FZD3: variants seen among roughly 807,000 people sequenced by gnomAD.
FZD3 encodes frizzled-3.
Under a neutral mutation model 60.7 loss-of-function variants are expected in FZD3, and 30 were observed. That is an observed-to-expected ratio of 0.49 (90% CI 0.37 to 0.67). The LOEUF is 0.67. FZD3 is among the 30% of genes least tolerant of loss of function. The pLI, the probability that FZD3 is intolerant of heterozygous loss-of-function variation, is 0.00. For missense variants in FZD3, 605 were observed against 838.7 expected (o/e 0.72, Z 3.44); for synonymous variants, 246 against 275.2 (o/e 0.89, Z 1.05).
Position 28,527,295 on chromosome 8 carries a change from T to C in FZD3, c.535T>C (p.Phe179Leu). The C allele has an allele frequency of 6.2e-7, 1 of 1,614,100 alleles. No homozygotes were observed. The highest frequency in any genetic ancestry group is 8.5e-7 in the Non-Finnish European group (1 of 1,179,968). The change falls in exon 5 of 8, where the codon TTT becomes CTT. Residue 179 changes from phenylalanine to leucine, a missense_variant. Phe to Leu is a conservative substitution (Grantham distance 22). Transcript: ENST00000240093. The surrounding 1 kb of genome is among the most constrained non-coding windows in gnomAD (Gnocchi z 5.0). ...AATTGATCCTGATCTGGGTTATTCT[T>C]TTCTGCATGTGCGTGATTGTTCACC... The part of the protein sequence containing the change: ...LKIDPDLGYS[F>L]LHVRDCSPPC...
At chr8:28,518,594 TC>T (rs886907746) in intron 3 of FZD3, among the ~76,000 whole-genome samples, 43 of 152,242 alleles carry the variant, frequency 2.8e-4, no homozygotes, top group African/African-American at 8.7e-4. Flanking sequence ...CTTCTTAGCT[TC>T]CTTCCCTGTG....
intron 5 of FZD3, among the ~76,000 whole-genome samples, chr8:28,543,219 T>C (rs1481319293): frequency 1.3e-5 from 2 of 152,186 alleles, no homozygotes; most frequent in African/African-American, 4.8e-5. Flanking sequence ...GTTCTTTGCC[T>C]TCATCCTCTT....
In FZD3 at chr8:28,535,074, T is replaced by C. The variant is rs942833885; in HGVS notation, c.1404+6910T>C. 1.2e-4 allele frequency among the ~76,000 whole-genome samples: 19 copies of C among 152,162 alleles called. 1 individual carries two copies. The highest frequency in any genetic ancestry group is 4.3e-4 in the African/African-American group (18 of 41,444). On this transcript the variant is annotated intron_variant, in intron 5 of 7. Transcript: ENST00000240093. ...AGAAACTTTCAAATATCTGAAAAAATTAGTTCCTGAATTTTTTATCATGTT... is the reference window on the plus strand; with the variant it reads ...AGAAACTTTCAAATATCTGAAAAAACTAGTTCCTGAATTTTTTATCATGTT...
rs763304022 is a variant in FZD3, at chr8:28,528,186, A to T, written c.1404+22A>T. ...TCAGGTAAGGGAAACCTTGTTACAA[A>T]TTTCAGAATATATGATAATGAAACA... On this transcript the variant is annotated intron_variant, in intron 5 of 7. Transcript: ENST00000240093. 3.9e-6 allele frequency: 6 copies of T among 1,547,962 alleles called. No homozygotes were observed. In the African/African-American group the frequency reaches 8.3e-5, roughly 21 times the overall value.
chr8:28,528,404 G>A (rs901440728), intron 5 of FZD3, among the ~76,000 whole-genome samples: 1 of 151,300 alleles, frequency 6.6e-6, no homozygotes, highest in Non-Finnish European at 1.5e-5. Flanking sequence ...AGCAGTGTAC[G>A]TCTGTTGGTG....
chr8:28,514,308 T>G (rs1804366262), intron 3 of FZD3, among the ~76,000 whole-genome samples: 1 of 103,754 alleles, frequency 9.6e-6, no homozygotes, highest in Admixed American at 9.9e-5. Context: ...GGTCAAAAAT[T>G]GTTAAGGATA....
chr8:28,551,644 G>A lies in FZD3; in HGVS notation c.1446G>A (p.Met482Ile), dbSNP rs1421987306. 3 of 1,610,696 alleles carry A rather than the reference G, an allele frequency of 1.9e-6. No homozygotes were observed. Among genetic ancestry groups the A allele is most frequent in the Non-Finnish European group, 1.7e-6 (2 of 1,177,274 alleles). The change falls in exon 6 of 8, where the codon ATG (methionine) becomes ATA (isoleucine). Residue 482 changes from methionine (M) to isoleucine (I), a missense_variant. Met to Ile is a conservative substitution (Grantham distance 10, BLOSUM62 1). Coordinates refer to ENST00000240093, the MANE Select transcript of FZD3 (RefSeq NM_017412.4). ...MSRPDLILFL[M>I]KYLMALIVGI... Reference sequence around the variant, plus strand: ...GTCCAGACTTGATTCTCTTTCTGATGAAATACCTGATGGCTCTCATAGTTG... The same window carrying A: ...GTCCAGACTTGATTCTCTTTCTGATAAAATACCTGATGGCTCTCATAGTTG...
In FZD3 at chr8:28,572,978, T is replaced by C. The variant is rs934853033; in HGVS notation, c.*9967T>C. On this transcript the variant is annotated 3_prime_UTR_variant, in exon 8 of 8. Transcript: ENST00000240093. ...GGGTAAAAGATTAGCCAACAAAAGCTAATCTAGTACACCCCATAGAGGTAC... is the reference window on the plus strand; with the variant it reads ...GGGTAAAAGATTAGCCAACAAAAGCCAATCTAGTACACCCCATAGAGGTAC... The C allele has an allele frequency of 6.6e-6, 1 of 152,144 alleles. No individual in the cohort carries two copies. The highest frequency in any genetic ancestry group is 1.5e-5 in the Non-Finnish European group (1 of 68,004). The allele number at this position is 152,144 out of a possible 1,614,324, so 9.4% of individuals were successfully genotyped here. A position where few individuals can be genotyped will look rare whatever the true frequency, so the allele number is the denominator to read the frequency against.
At position 28,527,026 on chromosome 8, in the gene FZD3, A is replaced by G; in HGVS notation, c.387-121A>G. The G allele has an allele frequency of 1.2e-6, 1 of 839,156 alleles. No homozygotes were observed. Among genetic ancestry groups the G allele is most frequent in the Non-Finnish European group, 1.9e-6 (1 of 528,918 alleles). 52.0% of individuals were successfully genotyped at this position (839,156 alleles called of 1,614,324 possible). ...ATCACCATTTACTTTATTTCTACAT[A>G]TTACATTTGCTCTCCAGGAATAAAT... On this transcript the variant is annotated intron_variant, in intron 4 of 7. Coordinates refer to ENST00000240093, the MANE Select transcript of FZD3 (RefSeq NM_017412.4). This position sits in a 1 kb window ranked among gnomAD's most constrained non-coding sequence, Gnocchi z 5.0.
At chr8:28,514,639 A>G (rs1269279069) in intron 3 of FZD3, among the ~76,000 whole-genome samples, 1 of 152,186 alleles carries the variant, frequency 6.6e-6, no homozygotes, top group East Asian at 1.9e-4. Context: ...ATCATGCCGT[A>G]TCTACTTCTT....
intron 5 of FZD3, among the ~76,000 whole-genome samples, chr8:28,531,958 T>C (rs983320786): frequency 9.2e-5 from 14 of 152,230 alleles, no homozygotes; most frequent in Admixed American, 1.3e-4. Flanking sequence ...GTATTTTTTC[T>C]AGCAGTTTCT....
intron 3 of FZD3, among the ~76,000 whole-genome samples, chr8:28,507,100 T>C (rs1430560651): frequency 6.6e-6 from 1 of 152,204 alleles, no homozygotes; most frequent in East Asian, 1.9e-4. Context: ...TTTATTCCTT[T>C]ATCAGTGTCA....
intron 5 of FZD3, among the ~76,000 whole-genome samples, chr8:28,531,102 C>A (rs1804862836): frequency 1.3e-5 from 2 of 152,022 alleles, no homozygotes; most frequent in African/African-American, 2.4e-5. Flanking sequence ...ACAGTTGATA[C>A]CTCCTCTGTT....
chr8:28,498,431 A>G (rs2130256664), intron 1 of FZD3, among the ~76,000 whole-genome samples: 1 of 152,300 alleles, frequency 6.6e-6, no homozygotes, highest in South Asian at 2.1e-4. Flanking sequence ...TATGTCCTGC[A>G]AGTCTGGAAC....
chr8:28,516,347 G>A (rs146047444), intron 3 of FZD3, among the ~76,000 whole-genome samples: 3 of 152,104 alleles, frequency 2.0e-5, no homozygotes, highest in African/African-American at 7.2e-5. Context: ...ACTCCAATTG[G>A]TTCTTTTTCA....
At position 28,527,940 on chromosome 8, in the gene FZD3, A is replaced by G; in HGVS notation, c.1180A>G (p.Ile394Val). 5.0e-6 allele frequency: 8 copies of G among 1,614,012 alleles called. No individual in the cohort carries two copies. Among genetic ancestry groups the G allele is most frequent in the Non-Finnish European group, 6.8e-6 (8 of 1,179,884 alleles). ...TGGGGTTTCTCTCCTCTTAGCTGGC[A>G]TTATATCCCTAAACAGAGTTCGAAT... ...VVGVSLLLAG[I>V]ISLNRVRIEI... Residue 394 changes from isoleucine (I) to valine (V), a missense_variant, in exon 5 of 8, where the codon ATT becomes GTT. Physicochemically the swap from Ile to Val is conservative, Grantham distance 29. Transcript: ENST00000240093. This position sits in a 1 kb window ranked among gnomAD's most constrained non-coding sequence, Gnocchi z 5.0.
At chr8:28,532,871 G>T (rs1804915033) in intron 5 of FZD3, among the ~76,000 whole-genome samples, 1 of 152,110 alleles carries the variant, frequency 6.6e-6, no homozygotes, top group African/African-American at 2.4e-5. Flanking sequence ...TATATTTCAT[G>T]TAAGAGCTGC....
At chr8:28,506,601 C>G (rs1334271179) in intron 3 of FZD3, among the ~76,000 whole-genome samples, 1 of 152,042 alleles carries the variant, frequency 6.6e-6, no homozygotes, top group African/African-American at 2.4e-5. Context: ...ATAGGATAAT[C>G]AGAGGAAAAA....
intron 3 of FZD3, among the ~76,000 whole-genome samples, chr8:28,514,962 C>A (rs1341617280): frequency 6.6e-6 from 1 of 152,146 alleles, no homozygotes; most frequent in Non-Finnish European, 1.5e-5. Flanking sequence ...TTAAGTACAA[C>A]AAATTTGTTA....
Sources: allele counts gnomAD v4.1 joint callset (sites outside exome capture counted in the v4.1 genomes callset), GRCh38; gene constraint gnomAD v4.1.1; non-coding constraint Gnocchi (gnomAD v3.1); transcripts MANE v1.5; gene names NCBI Gene and HGNC (gene_info 2026-07-23, HGNC 2026-07-21).